Variants in CAMTA1 observed in about 807,000 individuals in gnomAD.
CAMTA1 encodes the protein calmodulin-binding transcription activator 1.
A neutral mutation model predicts 170.9 loss-of-function variants in CAMTA1; 27 were observed. The observed-to-expected ratio is 0.16, with a 90% CI of 0.12 to 0.22. The LOEUF is 0.22. Ranked by LOEUF, CAMTA1 falls within the 10% of genes least tolerant of loss-of-function variation. The pLI, the probability that CAMTA1 is intolerant of heterozygous loss-of-function variation, is 1.00. For missense variants in CAMTA1, 1,619 were observed against 2,217.2 expected, an observed-to-expected ratio of 0.73 and a Z score of 5.42; for synonymous variants, 833 against 891.5, an observed-to-expected ratio of 0.93 and a Z score of 1.17.
rs529534229 is a variant in CAMTA1, at chr1:7,625,789, C to A, written c.511-14611C>A. Among the ~76,000 whole-genome samples, 11 of 152,324 alleles carry A rather than the reference C, an allele frequency of 7.2e-5. No individual in the cohort carries two copies. The South Asian group carries it at 2.3e-3, about 32-fold the overall frequency. On this transcript the variant is annotated intron_variant, in intron 6 of 22. Coordinates refer to ENST00000303635, the MANE Select transcript of CAMTA1 (RefSeq NM_015215.4). ...CTGGGGGACCAGTTGGCGCTTCCTG[C>A]AAAGGCATGTGCTCTGGGAAGGGCC...
intron 11 of CAMTA1, chr1:7,694,067 C>T (rs1183190060): frequency 6.6e-6 from 1 of 152,226 alleles, no homozygotes; most frequent in African/African-American, 2.4e-5. Context: ...AGGACAAAAG[C>T]CAGACCTCTC....
At chr1:7,716,641 AG>A (rs2149727037) in intron 11 of CAMTA1, among the ~76,000 whole-genome samples, 2 of 41,502 alleles carry the variant, frequency 4.8e-5, no homozygotes, top group Admixed American at 6.5e-4. Context: ...CAAGACAGTT[AG>A]CACCGTCTGT....
At chr1:7,193,120 G>A (rs1458837928) in intron 4 of CAMTA1, among the ~76,000 whole-genome samples, 1 of 152,140 alleles carries the variant, frequency 6.6e-6, no homozygotes, top group Admixed American at 6.5e-5. Context: ...GAAGGCCAAG[G>A]CGGGAGGATC....
At chr1:7,125,407 C>T (rs915960996) in intron 4 of CAMTA1, among the ~76,000 whole-genome samples, 4 of 152,164 alleles carry the variant, frequency 2.6e-5, no homozygotes, top group African/African-American at 9.7e-5. Flanking sequence ...AGGACCAGTT[C>T]CTGCAATGTG....
At position 7,435,294 on chromosome 1, in the gene CAMTA1, C is replaced by T. The variant is rs893414895; in HGVS notation, c.439-32536C>T. On this transcript the variant is annotated intron_variant, in intron 5 of 22. Coordinates refer to ENST00000303635, the MANE Select transcript of CAMTA1 (RefSeq NM_015215.4). The surrounding 1 kb of genome is among the most constrained non-coding windows in gnomAD (Gnocchi z 4.4). ...CACAGTCCAGTGGGGAGATCAGGCC[C>T]CAGGCTGCCTTTATTCTCACTGTCT... Among the ~76,000 whole-genome samples the T allele has an allele frequency of 2.6e-5, 4 of 152,116 alleles. No individual in the cohort carries two copies. In the South Asian group the frequency reaches 8.3e-4, roughly 32 times the overall value.
In CAMTA1 at chr1:7,426,390, C is replaced by T. The variant is rs1465878114; in HGVS notation, c.439-41440C>T. Among the ~76,000 whole-genome samples, 2 of 152,140 alleles carry T rather than the reference C, an allele frequency of 1.3e-5. No homozygotes were observed. The highest frequency in any genetic ancestry group is 2.4e-5 in the African/African-American group (1 of 41,418). ...ATCCTGGCATCGGATATAGGACCAG[C>T]GGTAGTGATCTCCCCCAAAAAACTG... On this transcript the variant is annotated intron_variant, in intron 5 of 22. Coordinates refer to ENST00000303635, the MANE Select transcript of CAMTA1 (RefSeq NM_015215.4). The surrounding 1 kb of genome is among the most constrained non-coding windows in gnomAD (Gnocchi z 4.8).
chr1:7,652,686 T>A (rs1440051617), intron 7 of CAMTA1, among the ~76,000 whole-genome samples: 2 of 152,058 alleles, frequency 1.3e-5, no homozygotes, highest in Non-Finnish European at 2.9e-5. Context: ...AAACCAGACT[T>A]CCCTCCAGGA....
intron 5 of CAMTA1, among the ~76,000 whole-genome samples, chr1:7,413,193 G>C (rs534772185): frequency 2.3e-3 from 352 of 152,282 alleles, no homozygotes; most frequent in Non-Finnish European, 4.3e-3. Flanking sequence ...GTAGTGTGAT[G>C]CCTCCGCCTT....
At chr1:7,440,397 G>A (rs1428140120) in intron 5 of CAMTA1, among the ~76,000 whole-genome samples, 2 of 152,266 alleles carry the variant, frequency 1.3e-5, no homozygotes, top group Admixed American at 6.5e-5. Context: ...GGCCTGGCCG[G>A]GCCAGACAGC....
In CAMTA1 at chr1:7,671,393, G is replaced by A. The variant is rs549606061; in HGVS notation, c.2779+356G>A. Among the ~76,000 whole-genome samples, 27 of 152,336 alleles carry A rather than the reference G, an allele frequency of 1.8e-4. 1 individual carries two copies. The South Asian group carries it at 5.2e-3, about 29-fold the overall frequency. On this transcript the variant is annotated intron_variant, in intron 10 of 22. Coordinates refer to ENST00000303635, the MANE Select transcript of CAMTA1 (RefSeq NM_015215.4). ...GGGTGACTAGAGCTGGTAAGAGCTG[G>A]GGCCAGAGACCACCTCTGCAGCAAG...
chr1:7,561,591 G>T lies in CAMTA1; in HGVS notation c.511-78809G>T, dbSNP rs1253656265. ...GCTGGTTCAGGGAGGAGGGGAGACT[G>T]TGGGCGGCTTGCGCAGCACCCTCTG... On this transcript the variant is annotated intron_variant, in intron 6 of 22. Transcript: ENST00000303635. The surrounding 1 kb of genome is among the most constrained non-coding windows in gnomAD (Gnocchi z 5.3). Among the ~76,000 whole-genome samples, 1 of 151,996 alleles carries T rather than the reference G, an allele frequency of 6.6e-6. No individual in the cohort carries two copies. Among genetic ancestry groups the T allele is most frequent in the Admixed American group, 6.5e-5 (1 of 15,276 alleles).
At chr1:7,528,152 C>T (rs1044598729) in intron 6 of CAMTA1, among the ~76,000 whole-genome samples, 4 of 152,114 alleles carry the variant, frequency 2.6e-5, no homozygotes, top group Non-Finnish European at 4.4e-5. Flanking sequence ...TTTAGATTGA[C>T]GAGAGCAGAC....
intron 3 of CAMTA1, among the ~76,000 whole-genome samples, chr1:6,873,276 C>A (rs571737469): frequency 1.5e-4 from 23 of 150,868 alleles, no homozygotes; most frequent in Non-Finnish European, 3.2e-4. Flanking sequence ...TTAAATAATG[C>A]TTTTCACAGT....
intron 10 of CAMTA1, chr1:7,671,937 A>G (rs1038301106): frequency 4.4e-6 from 2 of 452,942 alleles, no homozygotes; most frequent in Non-Finnish European, 8.9e-6. Context: ...AGGGGGATGG[A>G]GATTGTGACG....
At chr1:7,668,236 C>T (rs982912544) in intron 9 of CAMTA1, among the ~76,000 whole-genome samples, 2 of 152,200 alleles carry the variant, frequency 1.3e-5, no homozygotes, top group East Asian at 1.9e-4. Flanking sequence ...AGCACCCCCA[C>T]CCAGCTCTAA....
chr1:7,632,164 G>C (rs752371516), intron 6 of CAMTA1, among the ~76,000 whole-genome samples: 3 of 152,236 alleles, frequency 2.0e-5, no homozygotes. Context: ...TGCCTCTGAT[G>C]ATGAGGCTTA....
At chr1:7,353,282 C>A (rs983581547) in intron 5 of CAMTA1, among the ~76,000 whole-genome samples, 2 of 152,116 alleles carry the variant, frequency 1.3e-5, no homozygotes, top group Non-Finnish European at 2.9e-5. Context: ...ATACAGAGAA[C>A]CCCTCATTTA....
In CAMTA1 at chr1:7,737,541, G is replaced by T. The variant is rs766319177; in HGVS notation, c.3629G>T (p.Gly1210Val). The stretch of plus-strand genomic sequence containing the variant: ...ATCAGCTCTCCAGAAATACCCAAGG[G>T]AGTCACTGTTATTGCAAGCACCAAC... ...EAISSPEIPK[G>V]VTVIASTNPE... The change falls in exon 15 of 23, where the codon GGA (glycine) becomes GTA (valine). Residue 1210 changes from glycine to valine, a missense_variant. By Grantham distance (109) the Gly-to-Val change is moderately radical. Coordinates refer to ENST00000303635, the MANE Select transcript of CAMTA1 (RefSeq NM_015215.4). 1 of 1,612,480 alleles carries T rather than the reference G, an allele frequency of 6.2e-7. No individual in the cohort carries two copies.
chr1:7,564,605 C>A (rs2095012272), intron 6 of CAMTA1, among the ~76,000 whole-genome samples: 1 of 152,074 alleles, frequency 6.6e-6, no homozygotes, highest in African/African-American at 2.4e-5. Flanking sequence ...TGTGAGTGTG[C>A]ATGTTCATGT....
Sources: allele counts gnomAD v4.1 joint callset (sites outside exome capture counted in the v4.1 genomes callset), GRCh38; gene constraint gnomAD v4.1.1; non-coding constraint Gnocchi (gnomAD v3.1); transcripts MANE v1.5; gene names NCBI Gene and HGNC (gene_info 2026-07-23, HGNC 2026-07-21).